Variants in SAMD5 observed in about 807,000 individuals in gnomAD.
SAMD5 encodes sterile alpha motif domain containing 5.
SAMD5 carries 13 observed loss-of-function variants against 11.3 expected under a neutral mutation model. The ratio of observed to expected loss-of-function variants is 1.15; its 90% CI spans 0.75 to 1.83. The LOEUF (loss-of-function observed/expected upper bound fraction) is 1.83. Among genes scored for constraint, SAMD5 ranks in the 40% most tolerant of loss-of-function variants. The pLI, the probability that SAMD5 is intolerant of heterozygous loss-of-function variation, is 0.00. For missense variants in SAMD5, 255 were observed against 239.1 expected (o/e 1.07, Z -0.44); for synonymous variants, 129 against 111.3 (o/e 1.16, Z -1.00).
the SAMD5 span, among the ~76,000 whole-genome samples, chr6:147,790,100 C>T: frequency 0.014 from 2,138 of 152,238 alleles, 63 homozygotes; most frequent in African/African-American, 0.049. Flanking sequence ...ATCTGAAAAC[C>T]TAAATCCAAA....
At chr6:147,928,385 T>G in the SAMD5 span, among the ~76,000 whole-genome samples, 2 of 152,168 alleles carry the variant, frequency 1.3e-5, no homozygotes, top group East Asian at 3.9e-4. Flanking sequence ...TCCTCCTGGT[T>G]CAGTCTTGGC....
At chr6:147,554,621 C>A (rs562963251) in intron 1 of SAMD5, among the ~76,000 whole-genome samples, 2 of 152,130 alleles carry the variant, frequency 1.3e-5, no homozygotes, top group Admixed American at 6.5e-5. Flanking sequence ...TCTTTGCAAC[C>A]CCCTCACCAG....
intron 1 of SAMD5, among the ~76,000 whole-genome samples, chr6:147,578,563 AT>A (rs1219453790): frequency 6.6e-6 from 1 of 152,194 alleles, no homozygotes; most frequent in African/African-American, 2.4e-5. Flanking sequence ...CTGAAGGATT[AT>A]CTAATTGCAG....
chr6:147,880,397 A>T, the SAMD5 span, among the ~76,000 whole-genome samples: 2 of 152,046 alleles, frequency 1.3e-5, no homozygotes, highest in Admixed American at 6.6e-5. Context: ...ACACAAACAC[A>T]GATGACCTCT....
the SAMD5 span, among the ~76,000 whole-genome samples, chr6:147,943,775 T>C: frequency 4.0e-4 from 61 of 152,194 alleles, 3 homozygotes; most frequent in South Asian, 0.012. Flanking sequence ...GACTCAGAAA[T>C]CTCACTCCTG....
the SAMD5 span, among the ~76,000 whole-genome samples, chr6:147,864,301 T>A: frequency 1.3e-5 from 2 of 152,238 alleles, no homozygotes; most frequent in African/African-American, 2.4e-5. Context: ...AGAGAAAGTG[T>A]CAGCCTCTAA....
the SAMD5 span, among the ~76,000 whole-genome samples, chr6:147,780,472 T>C: frequency 6.6e-6 from 1 of 152,214 alleles, no homozygotes; most frequent in Non-Finnish European, 1.5e-5. Context: ...CATCCCAAAG[T>C]GTTGGGATTA....
chr6:147,671,153 T>C (rs915453777), intron 1 of SAMD5, among the ~76,000 whole-genome samples: 2 of 152,184 alleles, frequency 1.3e-5, no homozygotes, highest in Non-Finnish European at 2.9e-5. Flanking sequence ...TCAGAACACA[T>C]ATTTATTGAT....
chr6:147,533,739 G>C lies in SAMD5; in HGVS notation c.459+24352G>C, dbSNP rs551769621. On this transcript the variant is annotated intron_variant, in intron 1 of 1. Transcript: ENST00000367474. Reference sequence around the variant, plus strand: ...GGCAGACTGGCAGCTGCAGATCCAGGGATCCAAGAAAGCTGATGTTGCGGT... The same window carrying C: ...GGCAGACTGGCAGCTGCAGATCCAGCGATCCAAGAAAGCTGATGTTGCGGT... Among the ~76,000 whole-genome samples, 40 of 152,160 alleles carry C rather than the reference G, an allele frequency of 2.6e-4. No individual in the cohort carries two copies. In the South Asian group the frequency reaches 4.8e-3, roughly 18 times the overall value.
At chr6:147,884,992 T>G in the SAMD5 span, among the ~76,000 whole-genome samples, 3 of 152,238 alleles carry the variant, frequency 2.0e-5, no homozygotes, top group Non-Finnish European at 4.4e-5. Flanking sequence ...AGAACCAGGA[T>G]AGCATCCTTA....
intron 1 of SAMD5, among the ~76,000 whole-genome samples, chr6:147,712,822 A>AAAAG (rs58115947): frequency 0.079 from 11,943 of 151,402 alleles, 1,171 homozygotes; most frequent in African/African-American, 0.23. Context: ...AAAAAAAAAA[A>AAAAG]GTCTGTTGTT....
chr6:147,592,495 C>T (rs1789471059), intron 1 of SAMD5, among the ~76,000 whole-genome samples: 1 of 152,034 alleles, frequency 6.6e-6, no homozygotes, highest in African/African-American at 2.4e-5. Context: ...CATCCCAACA[C>T]AAGAAATTGG....
chr6:147,660,245 C>T (rs1219870136), intron 1 of SAMD5, among the ~76,000 whole-genome samples: 1 of 152,148 alleles, frequency 6.6e-6, no homozygotes, highest in Non-Finnish European at 1.5e-5. Context: ...TATATCTCTT[C>T]ATATTCTACC....
In SAMD5 at chr6:147,728,829, C is replaced by A. The variant is rs190408020; in HGVS notation, c.163-8488C>A. Among the ~76,000 whole-genome samples, 1,048 of 152,246 alleles carry A rather than the reference C, an allele frequency of 6.9e-3. 9 individuals carry two copies. Among genetic ancestry groups the A allele is most frequent in the African/African-American group, 0.024 (996 of 41,516 alleles). On this transcript the variant is annotated intron_variant, in intron 1 of 1. Coordinates refer to the SAMD5 transcript ENST00000566741. ...GTTCTGTTTTTCTGCATGATGGTTACAAAGTATTAGCTTTATAATAAACTC... is the reference window on the plus strand; with the variant it reads ...GTTCTGTTTTTCTGCATGATGGTTAAAAAGTATTAGCTTTATAATAAACTC...
intron 1 of SAMD5, among the ~76,000 whole-genome samples, chr6:147,580,311 C>T (rs1283948382): frequency 6.6e-6 from 1 of 152,200 alleles, no homozygotes; most frequent in Non-Finnish European, 1.5e-5. Context: ...TCAGGGACAA[C>T]CTTTTCCTAA....
At chr6:147,599,113 C>A (rs1240611786) in intron 1 of SAMD5, among the ~76,000 whole-genome samples, 1 of 152,142 alleles carries the variant, frequency 6.6e-6, no homozygotes, top group Non-Finnish European at 1.5e-5. Context: ...GGAAGCATAC[C>A]AAATGGTTCC....
chr6:147,951,236 C>T, the SAMD5 span, among the ~76,000 whole-genome samples: 1 of 150,882 alleles, frequency 6.6e-6, no homozygotes. Context: ...GGCTGGAGTG[C>T]AGTGGCGCGA....
the SAMD5 span, among the ~76,000 whole-genome samples, chr6:147,753,023 CA>C: frequency 1.3e-5 from 2 of 152,158 alleles, no homozygotes; most frequent in Non-Finnish European, 2.9e-5. Context: ...CAGACTACAA[CA>C]GAATTGGAAT....
intron 1 of SAMD5, among the ~76,000 whole-genome samples, chr6:147,510,341 C>T (rs143578458): frequency 6.6e-6 from 1 of 152,164 alleles, no homozygotes; most frequent in Admixed American, 6.5e-5. Context: ...CTAGTTCAGG[C>T]GGCTGTCGGA....
Sources: allele counts gnomAD v4.1 joint callset (sites outside exome capture counted in the v4.1 genomes callset), GRCh38; gene constraint gnomAD v4.1.1; transcripts MANE v1.5; gene names NCBI Gene and HGNC (gene_info 2026-07-23, HGNC 2026-07-21).